Variants in IPO11 observed in about 807,000 individuals in gnomAD.
IPO11 encodes importin 11.
A neutral mutation model predicts 143.2 loss-of-function variants in IPO11; 66 were observed. The observed-to-expected ratio is 0.46, with a 90% confidence interval of 0.38 to 0.57. The LOEUF is 0.57. Among genes scored for constraint, IPO11 ranks in the 20% least tolerant of loss-of-function variants. The pLI, the probability that IPO11 is intolerant of heterozygous loss-of-function variation, is 0.00. For missense variants in IPO11, 1,026 were observed against 1,141.0 expected (o/e 0.90, Z 1.45); for synonymous variants, 385 against 377.8 (o/e 1.02, Z -0.22).
Position 62,436,957 on chromosome 5 carries a change from G to A in IPO11, c.-6-317G>A, listed in dbSNP as rs369651910. ...AGACATTATGCTTAGTCTTGGGCAC[G>A]TAATGGTACTTACTCAGAATTTAGA... On this transcript the variant is annotated intron_variant, in intron 1 of 29. Transcript: ENST00000325324. Among the ~76,000 whole-genome samples the A allele has an allele frequency of 7.9e-4, 120 of 152,282 alleles. 1 individual carries two copies. Among genetic ancestry groups the A allele is most frequent in the East Asian group, 5.0e-3 (26 of 5,184 alleles).
intron 20 of IPO11, among the ~76,000 whole-genome samples, chr5:62,524,217 G>A (rs1417298238): frequency 6.6e-6 from 1 of 152,034 alleles, no homozygotes; most frequent in East Asian, 1.9e-4. Flanking sequence ...GAATTATAAG[G>A]TATTGAATCT....
intron 28 of IPO11, among the ~76,000 whole-genome samples, chr5:62,594,490 G>GTTTT (rs751852630): frequency 3.9e-5 from 6 of 152,224 alleles, no homozygotes; most frequent in Non-Finnish European, 5.9e-5. Context: ...CATCCAGTCA[G>GTTTT]TTTTATTCAG....
chr5:62,609,811 T>A (rs1745865077), intron 29 of IPO11, among the ~76,000 whole-genome samples: 1 of 152,230 alleles, frequency 6.6e-6, no homozygotes, highest in Admixed American at 6.5e-5. Flanking sequence ...TAATTCAGTG[T>A]CCTAATGTCC....
chr5:62,524,583 A>G (rs1047993400), intron 20 of IPO11, among the ~76,000 whole-genome samples: 15 of 152,190 alleles, frequency 9.9e-5, no homozygotes, highest in African/African-American at 3.6e-4. Flanking sequence ...ACTCTGTTAA[A>G]TAATGGCATT....
intron 16 of IPO11, among the ~76,000 whole-genome samples, chr5:62,504,444 A>T (rs1486215114): frequency 6.6e-6 from 1 of 152,210 alleles, no homozygotes; most frequent in Non-Finnish European, 1.5e-5. Context: ...TAAGTAAATT[A>T]TGGGAAACTG....
intron 1 of IPO11, among the ~76,000 whole-genome samples, chr5:62,416,835 C>G (rs1341468246): frequency 1.3e-5 from 2 of 151,842 alleles, no homozygotes; most frequent in African/African-American, 4.8e-5. Flanking sequence ...AGCGATCCCT[C>G]CACCTCAGCC....
intron 27 of IPO11, chr5:62,580,169 A>G (rs981914426): frequency 6.4e-7 from 1 of 1,551,262 alleles, no homozygotes; most frequent in Middle Eastern, 1.7e-4. Context: ...GAAGCAATAC[A>G]GCCCTTTGCA....
chr5:62,505,631 T>C (rs1741529224), intron 18 of IPO11, among the ~76,000 whole-genome samples: 1 of 152,098 alleles, frequency 6.6e-6, no homozygotes, highest in Admixed American at 6.5e-5. Context: ...TTGCTTTATG[T>C]AAGTGTGATT....
intron 26 of IPO11, among the ~76,000 whole-genome samples, chr5:62,556,777 ATTAC>A (rs1427017191): frequency 6.6e-6 from 1 of 152,084 alleles, no homozygotes; most frequent in Non-Finnish European, 1.5e-5. Flanking sequence ...CCTACTTTTT[ATTAC>A]TTCTCATTGT....
intron 12 of IPO11, among the ~76,000 whole-genome samples, chr5:62,487,073 C>T (rs764487292): frequency 1.6e-4 from 25 of 151,952 alleles, no homozygotes; most frequent in Non-Finnish European, 3.4e-4. Context: ...AGTAGGTGTA[C>T]ATATTTATGG....
chr5:62,564,091 G>A (rs1164074765), intron 27 of IPO11, among the ~76,000 whole-genome samples: 5 of 152,022 alleles, frequency 3.3e-5, no homozygotes, highest in African/African-American at 1.2e-4. Flanking sequence ...TAATGTGGTA[G>A]TAGAATTTTA....
At chr5:62,447,428 C>T (rs1306780573) in intron 3 of IPO11, among the ~76,000 whole-genome samples, 1 of 152,086 alleles carries the variant, frequency 6.6e-6, no homozygotes, top group African/African-American at 2.4e-5. Flanking sequence ...TTTTGCTCAA[C>T]CTGTGGTCAT....
chr5:62,450,276 C>T (rs1289966365), intron 4 of IPO11, among the ~76,000 whole-genome samples: 1 of 152,154 alleles, frequency 6.6e-6, no homozygotes, highest in South Asian at 2.1e-4. Flanking sequence ...GCAAATCTCT[C>T]TATATAGTCA....
At chr5:62,502,281 A>G (rs913338181) in intron 16 of IPO11, among the ~76,000 whole-genome samples, 1 of 152,162 alleles carries the variant, frequency 6.6e-6, no homozygotes, top group Non-Finnish European at 1.5e-5. Flanking sequence ...CTCACAGTAG[A>G]AATGTGTTAG....
intron 29 of IPO11, among the ~76,000 whole-genome samples, chr5:62,617,304 T>G (rs184495668): frequency 6.6e-6 from 1 of 152,372 alleles, no homozygotes; most frequent in East Asian, 1.9e-4. Context: ...CCTCACAGTT[T>G]ATCTTCTTTC....
chr5:62,515,280 A>G (rs1422815452), intron 19 of IPO11, 108 bp from the exon 20 acceptor site: 3 of 604,458 alleles, frequency 5.0e-6, no homozygotes, highest in Non-Finnish European at 8.5e-6. Context: ...TCTAATAAAT[A>G]TTAAATATGT....
chr5:62,424,022 C>T (rs1272852996), intron 1 of IPO11, among the ~76,000 whole-genome samples: 2 of 151,962 alleles, frequency 1.3e-5, no homozygotes, highest in Non-Finnish European at 2.9e-5. Context: ...GGCTATAGAT[C>T]ATGATTTTTT....
intron 29 of IPO11, among the ~76,000 whole-genome samples, chr5:62,626,867 T>C (rs1369763029): frequency 6.6e-6 from 1 of 152,242 alleles, no homozygotes; most frequent in Non-Finnish European, 1.5e-5. Context: ...TTTAGAATGC[T>C]TTCTACTAGG....
At chr5:62,418,163 GTT>G (rs11334760) in intron 1 of IPO11, among the ~76,000 whole-genome samples, 31 of 144,384 alleles carry the variant, frequency 2.1e-4, no homozygotes, top group African/African-American at 6.6e-4. Flanking sequence ...CGCCTGCCTA[GTT>G]TTTTTTTTTT....
Sources: allele counts gnomAD v4.1 joint callset (sites outside exome capture counted in the v4.1 genomes callset), GRCh38; gene constraint gnomAD v4.1.1; transcripts MANE v1.5; gene names NCBI Gene and HGNC (gene_info 2026-07-23, HGNC 2026-07-21).